EPB41L5: variants seen among roughly 807,000 people sequenced by gnomAD.
EPB41L5 encodes erythrocyte membrane protein band 4.1 like 5.
EPB41L5 carries 55 observed loss-of-function variants against 106.6 expected under a neutral mutation model. That is an observed-to-expected ratio of 0.52 (90% CI 0.42 to 0.65). EPB41L5 has a LOEUF of 0.65. Among genes scored for constraint, EPB41L5 ranks in the 30% least tolerant of loss-of-function variants. The pLI, the probability that EPB41L5 is intolerant of heterozygous loss-of-function variation, is 0.00. For synonymous variants in EPB41L5, 297 were observed against 306.7 expected, an observed-to-expected ratio of 0.97 and a Z score of 0.33; for missense variants, 871 against 882.1, an observed-to-expected ratio of 0.99 and a Z score of 0.16.
At chr2:120,116,383 G>T (rs1260841424) in intron 16 of EPB41L5, among the ~76,000 whole-genome samples, 1 of 152,164 alleles carries the variant, frequency 6.6e-6, no homozygotes, top group Non-Finnish European at 1.5e-5. Flanking sequence ...ATGATTGAAG[G>T]AGGTAATTGA....
intron 14 of EPB41L5, among the ~76,000 whole-genome samples, chr2:120,099,017 C>T (rs972282481): frequency 3.3e-5 from 5 of 152,194 alleles, no homozygotes; most frequent in South Asian, 2.1e-4. Flanking sequence ...TAAATCTGCT[C>T]GGGGTACCCG....
chr2:120,109,347 C>T (rs761294056), intron 16 of EPB41L5, among the ~76,000 whole-genome samples: 1 of 151,856 alleles, frequency 6.6e-6, no homozygotes, highest in Non-Finnish European at 1.5e-5. Flanking sequence ...ACTTTCTCCT[C>T]TTACAAACCA....
intron 10 of EPB41L5, among the ~76,000 whole-genome samples, chr2:120,081,900 G>T (rs1377771133): frequency 1.3e-5 from 2 of 152,000 alleles, no homozygotes; most frequent in Non-Finnish European, 2.9e-5. Flanking sequence ...TCATGATTTG[G>T]CTCTCTGTTT....
At chr2:120,053,313 C>T (rs1364618024) in intron 3 of EPB41L5, among the ~76,000 whole-genome samples, 5 of 152,126 alleles carry the variant, frequency 3.3e-5, no homozygotes, top group South Asian at 4.2e-4. Flanking sequence ...GTTAGCATGA[C>T]GATGTCATTT....
At chr2:120,159,851 T>C (rs1687069510) in intron 20 of EPB41L5, among the ~76,000 whole-genome samples, 1 of 152,224 alleles carries the variant, frequency 6.6e-6, no homozygotes, top group African/African-American at 2.4e-5. Context: ...ATTTTTAAAA[T>C]GTGGTATGTA....
At chr2:120,019,044 C>T (rs1232696561) in intron 1 of EPB41L5, 33 bp from the exon 2 acceptor site, 4 of 1,544,978 alleles carry the variant, frequency 2.6e-6, no homozygotes, top group East Asian at 2.3e-5. Flanking sequence ...TCATTTTTTT[C>T]CTGATGCCAT....
chr2:120,062,172 A>C (rs1681128781), intron 3 of EPB41L5, among the ~76,000 whole-genome samples: 1 of 152,218 alleles, frequency 6.6e-6, no homozygotes, highest in Non-Finnish European at 1.5e-5. Context: ...ATCACTGGCA[A>C]ATGATTGCAT....
intron 16 of EPB41L5, among the ~76,000 whole-genome samples, chr2:120,122,525 A>G (rs1272600263): frequency 6.6e-6 from 1 of 152,082 alleles, no homozygotes; most frequent in Non-Finnish European, 1.5e-5. Context: ...GTTCTGTTCC[A>G]TTGATCTATA....
intron 14 of EPB41L5, among the ~76,000 whole-genome samples, chr2:120,098,719 T>C (rs1269162935): frequency 1.3e-5 from 2 of 152,208 alleles, no homozygotes; most frequent in Admixed American, 6.5e-5. Context: ...TGATCTGTAG[T>C]TCTTAAAAAA....
intron 3 of EPB41L5, among the ~76,000 whole-genome samples, chr2:120,047,638 T>C (rs1679889147): frequency 6.6e-6 from 1 of 152,182 alleles, no homozygotes; most frequent in African/African-American, 2.4e-5. Context: ...CTTTTCCTAA[T>C]TGAATAGCCT....
chr2:120,061,807 A>G (rs1681099162), intron 3 of EPB41L5, among the ~76,000 whole-genome samples: 2 of 152,198 alleles, frequency 1.3e-5, no homozygotes, highest in African/African-American at 2.4e-5. Flanking sequence ...TTAAGATGTC[A>G]GTATTAATTA....
chr2:120,033,708 C>CA (rs3084761), intron 2 of EPB41L5, among the ~76,000 whole-genome samples: 5,985 of 97,228 alleles, frequency 0.062, 192 homozygotes, highest in Admixed American at 0.095. Flanking sequence ...AACTCCATCT[C>CA]AAAAAAAAAA....
In EPB41L5 at chr2:120,078,485, TA is replaced by T; in HGVS notation, c.715-5del. On this transcript the variant is annotated splice_region_variant and splice_polypyrimidine_tract_variant and intron_variant, in intron 9 of 24. Transcript: ENST00000263713. ...TAAAGCTAACACATTTTTCTCCCCT[TA>T]AATTAGGCTAGAGATGGGAATGACT... The T allele has an allele frequency of 6.3e-7, 1 of 1,585,744 alleles. No individual in the cohort carries two copies. The highest frequency in any genetic ancestry group is 8.6e-7 in the Non-Finnish European group (1 of 1,166,872).
At chr2:120,060,123 G>A (rs1680934578) in intron 3 of EPB41L5, among the ~76,000 whole-genome samples, 1 of 152,210 alleles carries the variant, frequency 6.6e-6, no homozygotes, top group South Asian at 2.1e-4. Context: ...AAATTTTGGT[G>A]AGAATGTGCA....
At chr2:120,076,888 A>C (rs1014996999) in intron 7 of EPB41L5, 83 bp from the exon 8 acceptor site, 14 of 1,254,424 alleles carry the variant, frequency 1.1e-5, no homozygotes, top group Non-Finnish European at 1.3e-5. Flanking sequence ...GAATCTTTCT[A>C]ATCTTAGCAG....
At chr2:120,093,694 G>C (rs1361725232) in intron 14 of EPB41L5, among the ~76,000 whole-genome samples, 1 of 152,112 alleles carries the variant, frequency 6.6e-6, no homozygotes, top group African/African-American at 2.4e-5. Context: ...TCATTAGCCT[G>C]GTATGTTTTT....
At chr2:120,123,641 C>G (rs1174057823) in intron 16 of EPB41L5, among the ~76,000 whole-genome samples, 1 of 133,116 alleles carries the variant, frequency 7.5e-6, no homozygotes, top group Non-Finnish European at 1.6e-5. Flanking sequence ...GGGGAGTGTT[C>G]GTCCCTTTTT....
intron 3 of EPB41L5, among the ~76,000 whole-genome samples, chr2:120,053,644 G>A (rs995567187): frequency 5.9e-5 from 9 of 152,184 alleles, no homozygotes; most frequent in African/African-American, 2.2e-4. Context: ...CATCCGTGTT[G>A]TAGCATATCT....
rs906591467 is a variant in EPB41L5 at position 120,068,235 on chromosome 2, G to T, written c.286-4943G>T. 5.3e-5 allele frequency among the ~76,000 whole-genome samples: 8 copies of T among 152,348 alleles called. No individual in the cohort carries two copies. In the East Asian group the frequency reaches 1.4e-3, roughly 26 times the overall value. On this transcript the variant is annotated intron_variant, in intron 3 of 24. Transcript: ENST00000263713. ...CATGAGGGACTGTGCTGTGAGGAAC[G>T]GTGCATTCCGGCCCAGATACTACGC...
Sources: gnomAD v4.1 joint callset for allele counts (sites outside exome capture counted in the v4.1 genomes callset) on GRCh38, gnomAD v4.1.1 for gene constraint, MANE v1.5 for transcripts, NCBI Gene and HGNC (gene_info 2026-07-23, HGNC 2026-07-21) for gene names.